The following KLF17 variants were observed in gnomAD, a reference collection of about 807,000 sequenced individuals.
KLF17 encodes the protein KLF transcription factor 17, also known as Krueppel-like factor 17.
A neutral mutation model predicts 34.2 loss-of-function variants in KLF17; 31 were observed. That is an observed-to-expected ratio of 0.91 (90% CI 0.68 to 1.22). The LOEUF (loss-of-function observed/expected upper bound fraction) is 1.22, where lower values mean the gene tolerates loss of function less well. Among genes scored for constraint, KLF17 ranks in the 50% most tolerant of loss-of-function variants. KLF17 has a pLI of 0.00. For missense variants in KLF17, 478 were observed against 505.2 expected (o/e 0.95, Z 0.52); for synonymous variants, 179 against 186.7 (o/e 0.96, Z 0.34).
chr1:44,121,057 A>C lies in KLF17; in HGVS notation c.81+2069A>C, dbSNP rs141253224. On this transcript the variant is annotated intron_variant, in intron 1 of 3. Transcript: ENST00000372299. ...CAACTCTTCTAGAGTTTTTTTTAAA[A>C]AATGAACATTTTTCTCTATAGCCAA... is the stretch of plus-strand genomic sequence containing the variant. 7.9e-4 allele frequency among the ~76,000 whole-genome samples: 121 copies of C among 152,326 alleles called. 1 individual carries two copies. Among genetic ancestry groups the C allele is most frequent in the African/African-American group, 2.7e-3 (112 of 41,570 alleles).
At chr1:44,130,223 G>A (rs2088091430) in intron 2 of KLF17, 27 bp downstream of exon 2, 3 of 1,584,090 alleles carry the variant, frequency 1.9e-6, no homozygotes, top group African/African-American at 2.7e-5. Flanking sequence ...GTGGGGTGGG[G>A]ATGGAGGAGT....
At chr1:44,070,352 C>T in the KLF17 span, among the ~76,000 whole-genome samples, 1 of 152,136 alleles carries the variant, frequency 6.6e-6, no homozygotes. Flanking sequence ...CCTCCACCCT[C>T]TCGCCCTTCC....
the KLF17 span, among the ~76,000 whole-genome samples, chr1:44,069,512 G>GAGAGAGAGATA: frequency 8.7e-6 from 1 of 114,548 alleles, no homozygotes; most frequent in African/African-American, 4.1e-5. The surrounding 1 kb of genome is among the most constrained non-coding windows in gnomAD (Gnocchi z 4.7). Context: ...GAGAGAGAGA[G>GAGAGAGAGATA]AAGACAGGAG....
At chr1:44,097,340 C>T in the KLF17 span, among the ~76,000 whole-genome samples, 1 of 152,132 alleles carries the variant, frequency 6.6e-6, no homozygotes, top group Non-Finnish European at 1.5e-5. Context: ...ATTGTCTTGG[C>T]TATGCGGGCT....
chr1:44,119,452 G>A (rs2087922076), intron 1 of KLF17, among the ~76,000 whole-genome samples: 1 of 151,752 alleles, frequency 6.6e-6, no homozygotes, highest in Non-Finnish European at 1.5e-5. Context: ...CTACTAAGTG[G>A]TAGGCTTTTC....
the KLF17 span, among the ~76,000 whole-genome samples, chr1:44,075,140 CACAT>C: frequency 1.3e-5 from 2 of 150,326 alleles, no homozygotes; most frequent in African/African-American, 4.9e-5. Flanking sequence ...CACACACACA[CACAT>C]ACACGTATAC....
chr1:44,059,440 T>G, the KLF17 span, among the ~76,000 whole-genome samples: 85 of 152,302 alleles, frequency 5.6e-4, 2 homozygotes, highest in South Asian at 0.018. Context: ...ATCGTAAATA[T>G]TTCAAATATT....
chr1:44,072,292 A>G, the KLF17 span, among the ~76,000 whole-genome samples: 1 of 152,052 alleles, frequency 6.6e-6, no homozygotes, highest in Non-Finnish European at 1.5e-5. Context: ...GTTAATGGAA[A>G]TGCCCCTTAG....
chr1:44,126,477 G>T (rs2088009657), intron 1 of KLF17, among the ~76,000 whole-genome samples: 2 of 152,212 alleles, frequency 1.3e-5, no homozygotes, highest in Admixed American at 6.5e-5. Flanking sequence ...TCCTTTGGAA[G>T]TTACAAGCCT....
intron 1 of KLF17, among the ~76,000 whole-genome samples, chr1:44,128,638 C>T (rs543605960): frequency 6.6e-6 from 1 of 152,322 alleles, no homozygotes; most frequent in Non-Finnish European, 1.5e-5. Context: ...CCATCTGCAG[C>T]CTCAATTCCT....
At chr1:44,120,896 C>T (rs905702492) in intron 1 of KLF17, among the ~76,000 whole-genome samples, 3 of 152,148 alleles carry the variant, frequency 2.0e-5, no homozygotes, top group Non-Finnish European at 2.9e-5. Context: ...AAGCAGAAGG[C>T]TCGTTTGAGC....
the KLF17 span, among the ~76,000 whole-genome samples, chr1:44,089,144 G>A: frequency 6.6e-6 from 1 of 152,164 alleles, no homozygotes; most frequent in Non-Finnish European, 1.5e-5. Context: ...GGGGTACACT[G>A]TGTTGGGGGA....
the KLF17 span, among the ~76,000 whole-genome samples, chr1:44,073,051 AG>A: frequency 1.7e-3 from 257 of 152,288 alleles, 1 homozygote; most frequent in African/African-American, 5.5e-3. Flanking sequence ...TGTCAGCAAA[AG>A]CTTATTGTAA....
the KLF17 span, among the ~76,000 whole-genome samples, chr1:44,072,945 A>G: frequency 6.6e-6 from 1 of 152,152 alleles, no homozygotes; most frequent in Non-Finnish European, 1.5e-5. Flanking sequence ...CAGCTGTGTC[A>G]AAGATCAAGT....
At chr1:44,075,577 T>C in the KLF17 span, among the ~76,000 whole-genome samples, 5 of 152,096 alleles carry the variant, frequency 3.3e-5, no homozygotes, top group African/African-American at 9.7e-5. Flanking sequence ...CCAAGTAGAG[T>C]CCTTGAAGTC....
At chr1:44,089,160 G>A in the KLF17 span, among the ~76,000 whole-genome samples, 1 of 152,140 alleles carries the variant, frequency 6.6e-6, no homozygotes, top group African/African-American at 2.4e-5. Flanking sequence ...GGGGAAAAAT[G>A]CAGCATAACC....
At chr1:44,102,958 G>T in the KLF17 span, among the ~76,000 whole-genome samples, 1 of 152,156 alleles carries the variant, frequency 6.6e-6, no homozygotes, top group South Asian at 2.1e-4. Context: ...AGGTAAATGA[G>T]AAAAATAATT....
At chr1:44,085,719 G>T in the KLF17 span, among the ~76,000 whole-genome samples, 1 of 146,418 alleles carries the variant, frequency 6.8e-6, no homozygotes, top group Non-Finnish European at 1.5e-5. Context: ...TGGGAGGATT[G>T]CTTGAGCCCA....
the KLF17 span, among the ~76,000 whole-genome samples, chr1:44,075,842 T>G: frequency 4.6e-5 from 7 of 152,250 alleles, no homozygotes; most frequent in Admixed American, 2.6e-4. Context: ...CATGCTGATA[T>G]TAACATTTTT....
Sources: allele counts gnomAD v4.1 joint callset (sites outside exome capture counted in the v4.1 genomes callset), GRCh38; gene constraint gnomAD v4.1.1; non-coding constraint Gnocchi (gnomAD v3.1); transcripts MANE v1.5; gene names NCBI Gene and HGNC (gene_info 2026-07-23, HGNC 2026-07-21).